DMD: variants seen among roughly 807,000 people sequenced by gnomAD.
DMD encodes the protein dystrophin.
In DMD, 63 loss-of-function variants were observed where a neutral mutation model predicts 330.1. That is an observed-to-expected ratio of 0.19 (90% CI 0.16 to 0.24). The LOEUF (loss-of-function observed/expected upper bound fraction) is 0.24, where lower values mean the gene tolerates loss of function less well. Among genes scored for constraint, DMD ranks in the 10% least tolerant of loss-of-function variants. The probability of loss-of-function intolerance (pLI) is 1.00; values close to 1 mark genes in which losing one functional copy is unlikely to be tolerated. For missense variants in DMD, 3,344 were observed against 2,684.1 expected (o/e 1.25, Z -5.43); for synonymous variants, 1,223 against 959.8 (o/e 1.27, Z -5.07).
At chrX:31,257,097 C>G (rs1430663348) in intron 63 of DMD, among the ~76,000 whole-genome samples, 1 of 107,868 alleles carries the variant, frequency 9.3e-6, no homozygotes, top group Non-Finnish European at 1.9e-5. Context: ...AGGGGAACAC[C>G]TGAATGCTTT....
In DMD at chrX:32,925,342, G is replaced by T. The variant is rs6631676; in HGVS notation, c.94-75522C>A. On this transcript the variant is annotated intron_variant, in intron 2 of 78. Coordinates refer to ENST00000357033, the MANE Select transcript of DMD (RefSeq NM_004006.3). ...AAAACCACAACATTGTATTCCGGAA[G>T]ACTTCTATTTTGAGTCTTTTCATTC... 5.1e-4 allele frequency among the ~76,000 whole-genome samples: 56 copies of T among 109,766 alleles called. 1 individual carries two copies. The highest frequency in any genetic ancestry group is 4.4e-3 in the Admixed American group (45 of 10,148).
At chrX:32,826,984 T>C (rs1373737129) in intron 4 of DMD, among the ~76,000 whole-genome samples, 1 of 107,744 alleles carries the variant, frequency 9.3e-6, no homozygotes, top group Non-Finnish European at 1.9e-5. Flanking sequence ...AAATAAAAAA[T>C]AGTTATATGG....
At chrX:32,610,049 C>T (rs919284219) in intron 12 of DMD, among the ~76,000 whole-genome samples, 13 of 111,390 alleles carry the variant, frequency 1.2e-4, no homozygotes, top group Admixed American at 5.7e-4. Context: ...GCTTTTCCTC[C>T]TCAATAGCAT....
intron 1 of DMD, among the ~76,000 whole-genome samples, chrX:33,048,456 G>A (rs752678926): frequency 1.8e-5 from 2 of 110,061 alleles, no homozygotes; most frequent in South Asian, 4.0e-4. Context: ...TTGGGAGGCC[G>A]AGGCGGGTGG....
intron 60 of DMD, among the ~76,000 whole-genome samples, chrX:31,419,522 T>C (rs1355990081): frequency 9.0e-6 from 1 of 111,017 alleles, no homozygotes; most frequent in African/African-American, 3.3e-5. Context: ...CACTCTGCTT[T>C]TGTCCTTTCT....
At chrX:32,945,447 T>A (rs1321368090) in intron 2 of DMD, among the ~76,000 whole-genome samples, 1 of 111,604 alleles carries the variant, frequency 9.0e-6, no homozygotes, top group South Asian at 3.7e-4. Context: ...GACAATATCA[T>A]CTATTAATAT....
Position 31,242,223 on chromosome X carries a change from C to G in DMD, c.9286+18732G>C, listed in dbSNP as rs771336151. On this transcript the variant is annotated intron_variant, in intron 63 of 78. Transcript: ENST00000357033. ...GTGAGCCATGTTCGCACCACTGCAC[C>G]CCAGCCTGGGCGACAAAGTGAGACC... Among the ~76,000 whole-genome samples, 150 of 96,722 alleles carry G rather than the reference C, an allele frequency of 1.6e-3. 1 individual carries two copies. Among genetic ancestry groups the G allele is most frequent in the Middle Eastern group, 0.012 (2 of 169 alleles). The allele number at this position is 96,722 out of a possible 115,157, so 84.0% of individuals were successfully genotyped here. A position where few individuals can be genotyped will look rare whatever the true frequency, so the allele number is the denominator to read the frequency against.
intron 44 of DMD, among the ~76,000 whole-genome samples, chrX:32,104,927 A>G (rs113136162): frequency 3.6e-5 from 4 of 112,220 alleles, no homozygotes; most frequent in African/African-American, 1.3e-4. Context: ...TTCAGCAACT[A>G]TCAAAACTGC....
At chrX:32,817,917 G>T (rs1240243221) in intron 5 of DMD, among the ~76,000 whole-genome samples, 1 of 111,869 alleles carries the variant, frequency 8.9e-6, no homozygotes, top group African/African-American at 3.2e-5. Context: ...TGAAATCTTT[G>T]CATGTATCTG....
chrX:32,831,079 T>C (rs1349613264), intron 4 of DMD, among the ~76,000 whole-genome samples: 1 of 110,856 alleles, frequency 9.0e-6, no homozygotes, highest in African/African-American at 3.3e-5. Flanking sequence ...TATTTAGTAA[T>C]TCTAAGATTA....
chrX:32,490,551 T>C (rs2042895256), intron 20 of DMD, among the ~76,000 whole-genome samples: 1 of 111,411 alleles, frequency 9.0e-6, no homozygotes, highest in Admixed American at 9.6e-5. Context: ...CCTGACAAGA[T>C]TCTGGAGGCA....
intron 1 of DMD, among the ~76,000 whole-genome samples, chrX:33,298,859 G>A (rs985999728): frequency 7.2e-5 from 8 of 111,463 alleles, no homozygotes; most frequent in Admixed American, 3.8e-4. Flanking sequence ...TCACTTCTTC[G>A]CACATTTCAT....
intron 7 of DMD, among the ~76,000 whole-genome samples, chrX:32,716,990 A>C (rs1268380334): frequency 2.7e-5 from 3 of 111,465 alleles, no homozygotes; most frequent in Non-Finnish European, 3.8e-5. Context: ...ATGTATGAGC[A>C]AAGAGATTAT....
chrX:32,628,998 A>G (rs1042652148), intron 11 of DMD, among the ~76,000 whole-genome samples: 9 of 112,046 alleles, frequency 8.0e-5, no homozygotes, highest in Non-Finnish European at 1.3e-4. Flanking sequence ...CAGCTGTTGG[A>G]TAAAATGTTC....
At chrX:32,047,582 G>A in intron 44 of DMD, among the ~76,000 whole-genome samples, 1 of 111,575 alleles carries the variant, frequency 9.0e-6, no homozygotes, top group Middle Eastern at 4.6e-3. Flanking sequence ...TAATTTTGTG[G>A]TATTTTGTGA....
intron 4 of DMD, among the ~76,000 whole-genome samples, chrX:32,827,791 A>T (rs1447869113): frequency 1.8e-5 from 2 of 109,144 alleles, no homozygotes; most frequent in Non-Finnish European, 3.8e-5. Context: ...CCTCCCAAGT[A>T]GCTGGGATTA....
At chrX:32,413,799 C>T (rs1272918415) in intron 29 of DMD, among the ~76,000 whole-genome samples, 3 of 103,979 alleles carry the variant, frequency 2.9e-5, no homozygotes, top group Non-Finnish European at 5.8e-5. Context: ...CTGCTCACTG[C>T]AACCTCTGCC....
rs745808882 is a variant in DMD at position 32,400,745 on chromosome X, G to A, written c.4234-10564C>T. ...TACACTGTTGGTGGGACTGTAAACT[G>A]GTTCAACCATTGTGGAAGTCAGTGT... is the stretch of plus-strand genomic sequence containing the variant. On this transcript the variant is annotated intron_variant, in intron 30 of 78. Transcript: ENST00000357033. 8.7e-3 allele frequency among the ~76,000 whole-genome samples: 943 copies of A among 107,962 alleles called. 7 individuals carry two copies. The highest frequency in any genetic ancestry group is 0.03 in the African/African-American group (868 of 29,423). The allele number at this position is 107,962 out of a possible 115,157, so 93.8% of individuals were successfully genotyped here. A position where few individuals can be genotyped will look rare whatever the true frequency, so the allele number is the denominator to read the frequency against.
intron 11 of DMD, among the ~76,000 whole-genome samples, chrX:32,614,837 G>T (rs2057432524): frequency 9.1e-6 from 1 of 110,386 alleles, no homozygotes; most frequent in Non-Finnish European, 1.9e-5. Context: ...CAAGAGATGA[G>T]GTCTATTTTC....
Sources: gnomAD v4.1 joint callset for allele counts (sites outside exome capture counted in the v4.1 genomes callset) on GRCh38, gnomAD v4.1.1 for gene constraint, MANE v1.5 for transcripts, NCBI Gene and HGNC (gene_info 2026-07-23, HGNC 2026-07-21) for gene names.